The following SLC23A2 variants were observed in gnomAD, a reference collection of about 807,000 sequenced individuals.
The protein encoded by SLC23A2 is Na(+)/L-ascorbic acid transporter 2.
In SLC23A2, 36 loss-of-function variants were observed where a neutral mutation model predicts 73.3. The observed-to-expected ratio is 0.49, with a 90% CI of 0.38 to 0.65. SLC23A2 has a LOEUF of 0.65. Among genes scored for constraint, SLC23A2 ranks in the 30% least tolerant of loss-of-function variants. The pLI is 0.00. For synonymous variants in SLC23A2, 343 were observed against 327.3 expected, an observed-to-expected ratio of 1.05 and a Z score of -0.52; for missense variants, 507 against 841.6, an observed-to-expected ratio of 0.60 and a Z score of 4.92.
chr20:5,002,547 A>G (rs996249290), upstream of SLC23A2, among the ~76,000 whole-genome samples: 4 of 152,232 alleles, frequency 2.6e-5, no homozygotes, highest in Non-Finnish European at 5.9e-5. Context: ...TCACATGGAG[A>G]GAAATTGATT....
intron 4 of SLC23A2, among the ~76,000 whole-genome samples, chr20:4,912,311 G>A (rs1233812058): frequency 6.6e-6 from 1 of 151,948 alleles, no homozygotes; most frequent in Non-Finnish European, 1.5e-5. Flanking sequence ...GGTGCCAAAG[G>A]TGCTACGGTC....
intron 16 of SLC23A2, 57 bp downstream of exon 16, chr20:4,859,232 T>G (rs1282601205): frequency 9.8e-7 from 1 of 1,024,544 alleles, no homozygotes; most frequent in Non-Finnish European, 1.5e-6. Flanking sequence ...GCAAAAAAAG[T>G]AACACATATG....
intron 2 of SLC23A2, among the ~76,000 whole-genome samples, chr20:4,936,740 A>G (rs1279134463): frequency 2.0e-5 from 3 of 152,190 alleles, no homozygotes; most frequent in African/African-American, 7.2e-5. Flanking sequence ...CGACAAGAAT[A>G]CCTTCCAGCA....
At chr20:4,913,731 A>G (rs1002030003) in intron 3 of SLC23A2, among the ~76,000 whole-genome samples, 7 of 151,966 alleles carry the variant, frequency 4.6e-5, no homozygotes, top group Non-Finnish European at 8.8e-5. Context: ...GGTTCAAGCG[A>G]TTCTCCTGCC....
chr20:4,921,232 G>A (rs1372764683), intron 3 of SLC23A2, among the ~76,000 whole-genome samples: 1 of 152,156 alleles, frequency 6.6e-6, no homozygotes, highest in Admixed American at 6.5e-5. Context: ...TCTTCATAAA[G>A]CAGATTGTGT....
intron 3 of SLC23A2, among the ~76,000 whole-genome samples, chr20:4,914,833 G>A (rs1408639620): frequency 6.6e-6 from 1 of 152,110 alleles, no homozygotes; most frequent in Non-Finnish European, 1.5e-5. Flanking sequence ...CTGAGGTCGG[G>A]AGTTCGAGAC....
intron 3 of SLC23A2, among the ~76,000 whole-genome samples, chr20:4,931,360 C>T (rs1296457884): frequency 6.6e-6 from 1 of 152,104 alleles, no homozygotes; most frequent in African/African-American, 2.4e-5. Context: ...ATAATACTGA[C>T]ACCTCTGTAG....
intron 6 of SLC23A2, among the ~76,000 whole-genome samples, chr20:4,890,220 T>C (rs1043359214): frequency 5.9e-5 from 9 of 152,170 alleles, no homozygotes; most frequent in African/African-American, 2.2e-4. Flanking sequence ...CCCTGCATTG[T>C]CAAATGAACA....
intron 2 of SLC23A2, among the ~76,000 whole-genome samples, chr20:4,942,140 C>CT (rs368217059): frequency 1.3e-5 from 2 of 152,326 alleles, no homozygotes; most frequent in East Asian, 3.9e-4. Context: ...CATCTACCCC[C>CT]TTTACAATGT....
chr20:4,996,328 AGATGAT>A (rs1286141640), intron 1 of SLC23A2, among the ~76,000 whole-genome samples: 1 of 152,112 alleles, frequency 6.6e-6, no homozygotes, highest in African/African-American at 2.4e-5. Flanking sequence ...GTGCTCAATG[AGATGAT>A]GCCTTTGGGA....
At chr20:4,923,829 C>A (rs1419408061) in intron 3 of SLC23A2, among the ~76,000 whole-genome samples, 1 of 152,122 alleles carries the variant, frequency 6.6e-6, no homozygotes. Context: ...ACCAAAAAGC[C>A]TTTTTGCCTT....
chr20:4,862,136 C>T lies in SLC23A2; in HGVS notation c.1487-51G>A. The T allele has an allele frequency of 2.5e-6, 4 of 1,594,100 alleles. No homozygotes were observed. The highest frequency in any genetic ancestry group is 2.6e-6 in the Non-Finnish European group (3 of 1,167,618). ...AGCTCCAGCACCACTACAGCGGGGA[C>T]AGCTCAAGGCAGGTGAGGGCAGGCT... On this transcript the variant is annotated intron_variant, in intron 14 of 16. Transcript: ENST00000338244. The surrounding 1 kb of genome is among the most constrained non-coding windows in gnomAD (Gnocchi z 5.1).
chr20:4,959,995 T>C (rs889808897), intron 2 of SLC23A2, among the ~76,000 whole-genome samples: 4 of 152,056 alleles, frequency 2.6e-5, no homozygotes, highest in Non-Finnish European at 5.9e-5. Flanking sequence ...GGTCTCGCTA[T>C]GTTGCCCAGG....
At chr20:4,922,831 A>T (rs972540165) in intron 3 of SLC23A2, among the ~76,000 whole-genome samples, 1 of 130,192 alleles carries the variant, frequency 7.7e-6, no homozygotes, top group Non-Finnish European at 1.7e-5. Flanking sequence ...CCGTGTCTTT[A>T]AAAAAAAAAA....
chr20:4,953,460 CA>C, intron 2 of SLC23A2, among the ~76,000 whole-genome samples: 1 of 151,912 alleles, frequency 6.6e-6, no homozygotes, highest in East Asian at 1.9e-4. Flanking sequence ...TTAACTATGA[CA>C]ATTAGAGAAA....
At chr20:4,972,088 C>A (rs1026591339) in intron 1 of SLC23A2, among the ~76,000 whole-genome samples, 1 of 152,096 alleles carries the variant, frequency 6.6e-6, no homozygotes, top group African/African-American at 2.4e-5. Flanking sequence ...TAAAGGGAAC[C>A]CAGAGCCTGA....
rs1465167458 is a variant in SLC23A2 at position 4,902,328 on chromosome 20, A to G, written c.324+114T>C. On this transcript the variant is annotated intron_variant, in intron 5 of 16. Transcript: ENST00000338244. This position sits in a 1 kb window ranked among gnomAD's most constrained non-coding sequence, Gnocchi z 4.0. Reference sequence around the variant, plus strand: ...CCCTACTCATCACTCTTAAAAGAGGAATTTATAAAAGTCTTCAATAAACAA... The same window carrying G: ...CCCTACTCATCACTCTTAAAAGAGGGATTTATAAAAGTCTTCAATAAACAA... The G allele has an allele frequency of 1.5e-6, 1 of 647,802 alleles. No individual in the cohort carries two copies. Among genetic ancestry groups the G allele is most frequent in the Non-Finnish European group, 2.7e-6 (1 of 366,254 alleles). 40.1% of individuals were successfully genotyped at this position (647,802 alleles called of 1,614,324 possible).
intron 1 of SLC23A2, among the ~76,000 whole-genome samples, chr20:4,995,159 G>T (rs6053024): frequency 0.35 from 53,355 of 151,812 alleles, 9,983 homozygotes; most frequent in Admixed American, 0.41. Flanking sequence ...GAAAGCCAGT[G>T]GGGGGAAAAA....
intron 1 of SLC23A2, among the ~76,000 whole-genome samples, chr20:4,986,927 C>T (rs545598873): frequency 6.6e-6 from 1 of 152,242 alleles, no homozygotes; most frequent in South Asian, 2.1e-4. Context: ...AAGTAATAAG[C>T]TTCCCTCCTC....
Sources: allele counts gnomAD v4.1 joint callset (sites outside exome capture counted in the v4.1 genomes callset), GRCh38; gene constraint gnomAD v4.1.1; non-coding constraint Gnocchi (gnomAD v3.1); transcripts MANE v1.5; gene names NCBI Gene and HGNC (gene_info 2026-07-23, HGNC 2026-07-21).